KLB: variants seen among roughly 807,000 people sequenced by gnomAD.
KLB encodes the protein beta-klotho.
A neutral mutation model predicts 88.4 loss-of-function variants in KLB; 44 were observed. The ratio of observed to expected loss-of-function variants is 0.50; its 90% CI spans 0.39 to 0.64. The LOEUF is 0.64. Ranked by LOEUF, KLB falls within the 30% of genes least tolerant of loss-of-function variation. The pLI is 0.00. For missense variants in KLB, 1,137 were observed against 1,304.8 expected, an observed-to-expected ratio of 0.87 and a Z score of 1.98; for synonymous variants, 548 against 513.4, an observed-to-expected ratio of 1.07 and a Z score of -0.91.
chr4:39,407,901 A>G, intron 1 of KLB, 127 bp downstream of exon 1: 1 of 572,132 alleles, frequency 1.7e-6, no homozygotes, highest in Non-Finnish European at 3.0e-6. Flanking sequence ...CAAAAGATCT[A>G]TCCTCAAATT....
intron 1 of KLB, among the ~76,000 whole-genome samples, chr4:39,423,786 C>T (rs763728891): frequency 6.6e-6 from 1 of 151,670 alleles, no homozygotes. Context: ...AGCTAATAGA[C>T]CTGGTGTGGA....
intron 1 of KLB, among the ~76,000 whole-genome samples, chr4:39,411,332 T>A (rs1742838777): frequency 3.8e-4 from 32 of 85,080 alleles, no homozygotes; most frequent in Non-Finnish European, 6.7e-4. Context: ...TTTTGTTTTG[T>A]TTTGATTTTT....
chr4:39,422,451 T>C (rs1416780972), intron 1 of KLB, among the ~76,000 whole-genome samples: 1 of 152,058 alleles, frequency 6.6e-6, no homozygotes, highest in Non-Finnish European at 1.5e-5. Context: ...TTACCTAACC[T>C]CTCCACCCCC....
chr4:39,448,145 GATC>G (rs1638913319), intron 4 of KLB, among the ~76,000 whole-genome samples, 153 bp from the exon 5 acceptor site: 1 of 151,776 alleles, frequency 6.6e-6, no homozygotes. Context: ...CCTTTACATA[GATC>G]ATAAAAGAAT....
At chr4:39,448,205 G>A in intron 4 of KLB, 96 bp from the exon 5 acceptor site, 1 of 872,196 alleles carries the variant, frequency 1.1e-6, no homozygotes, top group Non-Finnish European at 1.7e-6. Context: ...CTTTATTATG[G>A]GCATAATTTT....
At chr4:39,437,587 T>C (rs1743506629) in intron 2 of KLB, 140 bp from the exon 3 acceptor site, 1 of 958,704 alleles carries the variant, frequency 1.0e-6, no homozygotes, top group African/African-American at 1.6e-5. Flanking sequence ...ACATGAATTT[T>C]CTATTTGATA....
At position 39,433,070 on chromosome 4, in the gene KLB, G is replaced by A. The variant is rs10012560; in HGVS notation, c.826-1140G>A. 7.7e-3 allele frequency among the ~76,000 whole-genome samples: 1,173 copies of A among 152,168 alleles called. 16 individuals carry two copies. Among genetic ancestry groups the A allele is most frequent in the African/African-American group, 0.027 (1,105 of 41,500 alleles). ...AAGTTTTGTATTTTTAGTAGAGACG[G>A]TGTTTCACCACGTTGGCCAGGCCGG... On this transcript the variant is annotated intron_variant, in intron 1 of 4. Coordinates refer to ENST00000257408, the MANE Select transcript of KLB (RefSeq NM_175737.4).
Position 39,446,567 on chromosome 4 carries a change from C to T in KLB, c.1841C>T (p.Ala614Val), listed in dbSNP as rs200760068. The T allele has an allele frequency of 1.2e-4, 195 of 1,614,096 alleles. No homozygotes were observed. Among genetic ancestry groups the T allele is most frequent in the Non-Finnish European group, 1.6e-4 (188 of 1,180,036 alleles). The change falls in exon 4 of 5, where the codon GCG (alanine) becomes GTG (valine). Residue 614 changes from alanine to valine, a missense_variant. By Grantham distance (64) the Ala-to-Val change is moderately conservative. Around this residue, in one of 4 missense-constraint regions of KLB, gnomAD observed 597 missense variants for 765.2 expected, o/e 0.78. Transcript: ENST00000257408. The surrounding 1 kb of genome is among the most constrained non-coding windows in gnomAD (Gnocchi z 6.4). ...GTCCTTCCCACTGGCAACCTGTCCG[C>T]GGTGAACCGACAGGCCCTGAGGTAC... is the stretch of plus-strand genomic sequence containing the variant. ...ASVLPTGNLS[A>V]VNRQALRYYR...
In KLB at chr4:39,448,353, TGAAGA is replaced by T. The variant is rs1350484345; in HGVS notation, c.2806_2810del (p.Glu936IlefsTer2). The T allele has an allele frequency of 1.9e-5, 30 of 1,613,146 alleles. No homozygotes were observed. The highest frequency in any genetic ancestry group is 6.7e-5 in the African/African-American group (5 of 74,934). Reference sequence around the variant, plus strand: ...AAGGCTATTATGCATTCAAACTGGCTGAAGAGAAATCTAAACCCAGATTTGGATTC... The same window carrying T: ...AAGGCTATTATGCATTCAAACTGGCTGAAATCTAAACCCAGATTTGGATTC... On this transcript the variant is annotated frameshift_variant, in exon 5 of 5. Coordinates refer to ENST00000257408, the MANE Select transcript of KLB (RefSeq NM_175737.4). LOFTEE classifies it low-confidence loss of function (END_TRUNC).
At chr4:39,439,501 T>C (rs867433164) in intron 3 of KLB, among the ~76,000 whole-genome samples, 33 of 152,172 alleles carry the variant, frequency 2.2e-4, no homozygotes, top group Admixed American at 8.5e-4. Flanking sequence ...AGTCTCGCTC[T>C]GTTGCCCAGG....
At chr4:39,437,678 C>G in intron 2 of KLB, 49 bp from the exon 3 acceptor site, 2 of 1,534,878 alleles carry the variant, frequency 1.3e-6, no homozygotes, top group Non-Finnish European at 1.8e-6. Flanking sequence ...TAAACATGAA[C>G]TAGAATGTTT....
At chr4:39,413,889 G>A (rs1312587559) in intron 1 of KLB, among the ~76,000 whole-genome samples, 3 of 152,094 alleles carry the variant, frequency 2.0e-5, no homozygotes, top group Admixed American at 2.0e-4. Flanking sequence ...TGTTTACATA[G>A]TACAAAGATT....
chr4:39,441,765 CATAAATAAATAAATAAATAA>C (rs199803695), intron 3 of KLB: 28 of 142,754 alleles, frequency 2.0e-4, no homozygotes, highest in Non-Finnish European at 4.0e-4. Context: ...CTAGCCCAAA[CATAAATAAATAAATAAATAA>C]ATAAATAAAT....
At position 39,447,187 on chromosome 4, in the gene KLB, T is replaced by G. The variant is rs538491827; in HGVS notation, c.2461T>G (p.Cys821Gly). ...RRLLKGTVDF[C>G]ALNHFTTRFV... ...GCTGCTCAAGGGCACGGTCGACTTC[T>G]GCGCGCTCAACCACTTCACCACTAG... Residue 821 changes from cysteine to glycine, a missense_variant, in exon 4 of 5, where the codon TGC (cysteine) becomes GGC (glycine). Around this residue, in one of 4 missense-constraint regions of KLB, gnomAD observed 426 missense variants for 404.6 expected, o/e 1.05. Transcript: ENST00000257408. 4 of 1,613,948 alleles carry G rather than the reference T, an allele frequency of 2.5e-6. No individual in the cohort carries two copies. The highest frequency in any genetic ancestry group is 3.4e-6 in the Non-Finnish European group (4 of 1,180,034).
chr4:39,440,865 T>C (rs1364627103), intron 3 of KLB, among the ~76,000 whole-genome samples: 5 of 152,084 alleles, frequency 3.3e-5, no homozygotes, highest in African/African-American at 1.2e-4. Flanking sequence ...GCTGTGAATA[T>C]TTATTTATTT....
rs370507470 is a variant in KLB, at chr4:39,410,109, T to C, written c.825+2335T>C. ...TGCATGAATATGTTTATTTAACCTTTGTATAAAGAAAAATATTCTAAATTG... is the reference window on the plus strand; with the variant it reads ...TGCATGAATATGTTTATTTAACCTTCGTATAAAGAAAAATATTCTAAATTG... On this transcript the variant is annotated intron_variant, in intron 1 of 4. Coordinates refer to ENST00000257408, the MANE Select transcript of KLB (RefSeq NM_175737.4). 1.2e-4 allele frequency among the ~76,000 whole-genome samples: 18 copies of C among 152,298 alleles called. No individual in the cohort carries two copies. The East Asian group carries it at 2.1e-3, about 18-fold the overall frequency.
intron 1 of KLB, among the ~76,000 whole-genome samples, chr4:39,409,696 G>A (rs1051566417): frequency 6.6e-6 from 1 of 151,802 alleles, no homozygotes. Context: ...GGGAGGCCAA[G>A]GCAGGTGGAT....
At position 39,422,589 on chromosome 4, in the gene KLB, T is replaced by G. The variant is rs137863024; in HGVS notation, c.826-11621T>G. 7.9e-5 allele frequency among the ~76,000 whole-genome samples: 12 copies of G among 152,314 alleles called. No homozygotes were observed. In the East Asian group the frequency reaches 1.9e-3, roughly 24 times the overall value. On this transcript the variant is annotated intron_variant, in intron 1 of 4. Coordinates refer to ENST00000257408, the MANE Select transcript of KLB (RefSeq NM_175737.4). Reference sequence around the variant, plus strand: ...CGGCACATTTGGTACTAGATATGTGTTAGCTCTTATTAATATTTATATTAT... The same window carrying G: ...CGGCACATTTGGTACTAGATATGTGGTAGCTCTTATTAATATTTATATTAT...
intron 1 of KLB, among the ~76,000 whole-genome samples, chr4:39,426,167 G>A (rs62310823): frequency 0.08 from 12,167 of 151,744 alleles, 487 homozygotes; most frequent in East Asian, 0.1. Flanking sequence ...CAGGAGAATG[G>A]CGTGAACCTG....
Sources: allele counts gnomAD v4.1 joint callset (sites outside exome capture counted in the v4.1 genomes callset), GRCh38; gene constraint gnomAD v4.1.1; regional missense constraint gnomAD v4.1.1; non-coding constraint Gnocchi (gnomAD v3.1); transcripts MANE v1.5; gene names NCBI Gene and HGNC (gene_info 2026-07-23, HGNC 2026-07-21).